Variants in OXR1 observed in about 807,000 individuals in gnomAD.
The protein encoded by OXR1 is oxidation resistance protein 1.
Under a neutral mutation model 104.6 loss-of-function variants are expected in OXR1, and 41 were observed. The ratio of observed to expected loss-of-function variants is 0.39; its 90% CI spans 0.31 to 0.51. The LOEUF (loss-of-function observed/expected upper bound fraction) is 0.51, where lower values mean the gene tolerates loss of function less well. Among genes scored for constraint, OXR1 ranks in the 20% least tolerant of loss-of-function variants. The pLI, the probability that OXR1 is intolerant of heterozygous loss-of-function variation, is 0.77. For synonymous variants in OXR1, 348 were observed against 348.4 expected (o/e 1.00, Z 0.01); for missense variants, 955 against 1,031.9 (o/e 0.93, Z 1.02).
chr8:106,338,095 T>G (rs1815037545), intron 1 of OXR1, among the ~76,000 whole-genome samples: 1 of 152,170 alleles, frequency 6.6e-6, no homozygotes, highest in Non-Finnish European at 1.5e-5. Flanking sequence ...GAGCTCCTGT[T>G]CTGGGCCCCA....
Position 106,654,382 on chromosome 8 carries a change from T to G in OXR1, c.221-24828T>G, listed in dbSNP as rs542260504. On this transcript the variant is annotated intron_variant, in intron 3 of 16. Transcript: ENST00000517566. ...AATTGAGAGTCCAGAAATAAAACCT[T>G]GTATTTAAGGTCAATTAATTTTTGA... Among the ~76,000 whole-genome samples, 4 of 152,190 alleles carry G rather than the reference T, an allele frequency of 2.6e-5. No homozygotes were observed. In the East Asian group the frequency reaches 5.8e-4, roughly 22 times the overall value.
intron 1 of OXR1, among the ~76,000 whole-genome samples, chr8:106,294,337 T>C (rs1226632251): frequency 3.0e-5 from 4 of 132,346 alleles, no homozygotes; most frequent in Non-Finnish European, 6.1e-5. Flanking sequence ...GCAGAGGTTG[T>C]GGTGAGCCGA....
chr8:106,679,351 T>G, intron 4 of OXR1, 59 bp downstream of exon 4: 1 of 837,684 alleles, frequency 1.2e-6, no homozygotes, highest in Non-Finnish European at 1.9e-6. Flanking sequence ...TTTAAGACAT[T>G]CTCTGTTTAT....
At chr8:106,557,607 C>G (rs540263911) in intron 3 of OXR1, among the ~76,000 whole-genome samples, 1 of 150,400 alleles carries the variant, frequency 6.6e-6, no homozygotes, top group South Asian at 2.1e-4. Context: ...TTTTTTTTTC[C>G]TAGATTCCAC....
chr8:106,740,105 C>G lies in OXR1; in HGVS notation c.2164-238C>G, dbSNP rs201381382. On this transcript the variant is annotated intron_variant, in intron 13 of 16. Coordinates refer to ENST00000517566, the MANE Select transcript of OXR1 (RefSeq NM_001198533.2). The stretch of plus-strand genomic sequence containing the variant: ...GTAATCTATGTTTCTTATCTCTGTT[C>G]TAATCTGTGTCTGGTTCAGGGTGAT... 8 of 389,202 alleles carry G rather than the reference C, an allele frequency of 2.1e-5. No homozygotes were observed. The East Asian group carries it at 3.6e-4, about 17-fold the overall frequency. The allele number at this position is 389,202 out of a possible 1,614,324, so 24.1% of individuals were successfully genotyped here.
intron 11 of OXR1, among the ~76,000 whole-genome samples, chr8:106,736,846 CAGG>C (rs1834420617): frequency 6.6e-6 from 1 of 151,764 alleles, no homozygotes; most frequent in Non-Finnish European, 1.5e-5. Context: ...AGAAATAAAA[CAGG>C]AGAGAGGCAA....
intron 3 of OXR1, among the ~76,000 whole-genome samples, chr8:106,638,550 T>A (rs939582547): frequency 6.6e-6 from 1 of 152,152 alleles, no homozygotes; most frequent in African/African-American, 2.4e-5. Flanking sequence ...TAAGATAACA[T>A]TGATCCTGCT....
chr8:106,403,837 C>T (rs543698120), intron 2 of OXR1, among the ~76,000 whole-genome samples: 1 of 152,316 alleles, frequency 6.6e-6, no homozygotes, highest in African/African-American at 2.4e-5. Flanking sequence ...TGTCTGTGTA[C>T]ATTAGAAAAC....
chr8:106,624,636 T>G (rs1821997733), intron 3 of OXR1, among the ~76,000 whole-genome samples: 1 of 152,182 alleles, frequency 6.6e-6, no homozygotes, highest in Non-Finnish European at 1.5e-5. Context: ...AGCACTGGAA[T>G]TGCTGTTTTT....
intron 2 of OXR1, among the ~76,000 whole-genome samples, chr8:106,431,163 A>G (rs535664130): frequency 1.3e-5 from 2 of 152,274 alleles, no homozygotes; most frequent in East Asian, 3.9e-4. Flanking sequence ...GTTGTAGCCC[A>G]TAGACTTCTG....
chr8:106,529,799 A>G (rs1456862574), intron 3 of OXR1, among the ~76,000 whole-genome samples: 2 of 152,222 alleles, frequency 1.3e-5, no homozygotes, highest in African/African-American at 4.8e-5. Flanking sequence ...ATAGTCTTAT[A>G]ACTTATTCAA....
chr8:106,706,838 C>T lies in OXR1; in HGVS notation c.1317C>T (p.Asp439=), dbSNP rs200679964. ...AAGGAATATCAGGTCCTAAAGAAGA[C>T]AGCACAAGTATAAAAGGTAATTCAG... The part of the protein sequence containing the change: ...NFQGISGPKE[D]STSIKGNSDQ... The change falls in exon 9 of 17, where the codon GAC becomes GAT. Residue 439 remains aspartate, a synonymous_variant. Coordinates refer to ENST00000517566, the MANE Select transcript of OXR1 (RefSeq NM_001198533.2). 1.4e-5 allele frequency: 22 copies of T among 1,612,568 alleles called. 1 individual carries two copies. In the East Asian group the frequency reaches 4.9e-4, roughly 36 times the overall value.
chr8:106,640,497 G>A (rs1013854991), intron 3 of OXR1, among the ~76,000 whole-genome samples: 1 of 151,652 alleles, frequency 6.6e-6, no homozygotes, highest in Non-Finnish European at 1.5e-5. Context: ...TCTGTATGGC[G>A]CTCTTTTTAT....
At chr8:106,373,356 A>G (rs1047412833) in intron 2 of OXR1, among the ~76,000 whole-genome samples, 1 of 152,218 alleles carries the variant, frequency 6.6e-6, no homozygotes, top group African/African-American at 2.4e-5. Context: ...ACAAAAGTGC[A>G]TTAAACAATA....
intron 2 of OXR1, among the ~76,000 whole-genome samples, chr8:106,474,012 TACACACACACACACACACACACAC>T (rs199751152): frequency 1.5e-5 from 2 of 137,414 alleles, no homozygotes; most frequent in African/African-American, 2.7e-5. Context: ...TGTATATTTA[TACACACACACACACACACACACAC>T]ACACACACAC....
At chr8:106,599,129 T>C (rs1248622100) in intron 3 of OXR1, among the ~76,000 whole-genome samples, 2 of 152,122 alleles carry the variant, frequency 1.3e-5, no homozygotes, top group Non-Finnish European at 2.9e-5. Flanking sequence ...GAAAGGCAAA[T>C]GTGAGGATGA....
chr8:106,516,564 T>G (rs1029820074), intron 2 of OXR1, among the ~76,000 whole-genome samples: 5 of 152,100 alleles, frequency 3.3e-5, no homozygotes, highest in Admixed American at 3.3e-4. Flanking sequence ...AAAAAAAGGG[T>G]TGTTCATTAA....
intron 2 of OXR1, among the ~76,000 whole-genome samples, chr8:106,477,592 A>G (rs1471882046): frequency 6.6e-6 from 1 of 152,030 alleles, no homozygotes; most frequent in Non-Finnish European, 1.5e-5. Context: ...ACTAGTATCT[A>G]AACATATTTT....
chr8:106,561,139 G>A (rs967822864), intron 3 of OXR1, among the ~76,000 whole-genome samples: 10 of 151,796 alleles, frequency 6.6e-5, no homozygotes, highest in African/African-American at 9.7e-5. Context: ...CCTCAGAGGC[G>A]CCTAGAACAC....
Sources: allele counts gnomAD v4.1 joint callset (sites outside exome capture counted in the v4.1 genomes callset), GRCh38; gene constraint gnomAD v4.1.1; transcripts MANE v1.5; gene names NCBI Gene and HGNC (gene_info 2026-07-23, HGNC 2026-07-21).